Variants in CCDC191 observed in about 807,000 individuals in gnomAD.
CCDC191 encodes coiled-coil domain-containing protein 191.
Under a neutral mutation model 114.0 loss-of-function variants are expected in CCDC191, and 99 were observed. The ratio of observed to expected loss-of-function variants is 0.87; its 90% confidence interval spans 0.74 to 1.03. The LOEUF (loss-of-function observed/expected upper bound fraction) is 1.03. Ranked by LOEUF, CCDC191 falls within the 50% of genes least tolerant of loss-of-function variation. The pLI, the probability that CCDC191 is intolerant of heterozygous loss-of-function variation, is 0.00. For missense variants in CCDC191, 973 were observed against 1,087.0 expected (o/e 0.90, Z 1.47); for synonymous variants, 351 against 376.0 (o/e 0.93, Z 0.77).
At chr3:114,049,821 A>C (rs753761957) in intron 2 of CCDC191, among the ~76,000 whole-genome samples, 2 of 152,182 alleles carry the variant, frequency 1.3e-5, no homozygotes, top group Non-Finnish European at 2.9e-5. Flanking sequence ...TTTTTTCAAA[A>C]TAAATATGTA....
chr3:113,967,080 C>G (rs1940253975), intron 16 of CCDC191, among the ~76,000 whole-genome samples: 1 of 151,420 alleles, frequency 6.6e-6, no homozygotes, highest in South Asian at 2.1e-4. Flanking sequence ...GCCTGGGTAA[C>G]AGAGTGAGAC....
At chr3:113,966,018 T>G (rs1940123338) in intron 16 of CCDC191, among the ~76,000 whole-genome samples, 1 of 152,112 alleles carries the variant, frequency 6.6e-6, no homozygotes. Context: ...GATTATAGCA[T>G]ACATATTGTA....
chr3:113,982,704 A>G (rs749490181), intron 13 of CCDC191, among the ~76,000 whole-genome samples: 1 of 150,922 alleles, frequency 6.6e-6, no homozygotes, highest in Non-Finnish European at 1.5e-5. Flanking sequence ...CTTGTACGCT[A>G]CTCTCCCTTT....
At chr3:114,018,423 CCTTAGCCTTCTGA>C (rs1168051780) in intron 8 of CCDC191, among the ~76,000 whole-genome samples, 1 of 151,986 alleles carries the variant, frequency 6.6e-6, no homozygotes, top group Non-Finnish European at 1.5e-5. Context: ...GATCCTTCTG[CCTTAGCCTTCTGA>C]GTAGCTGGAA....
intron 16 of CCDC191, among the ~76,000 whole-genome samples, chr3:113,975,758 CTTTG>C (rs1941280714): frequency 6.6e-6 from 1 of 152,136 alleles, no homozygotes; most frequent in African/African-American, 2.4e-5. Context: ...CAGAAGTGAG[CTTTG>C]TTTGTCTAAG....
intron 7 of CCDC191, among the ~76,000 whole-genome samples, chr3:114,025,664 A>C (rs1276066202): frequency 6.6e-6 from 1 of 152,202 alleles, no homozygotes. Context: ...AGTGCAGCCT[A>C]TCACCTGAAC....
chr3:113,999,266 G>A (rs1256366045), intron 13 of CCDC191, among the ~76,000 whole-genome samples: 1 of 152,118 alleles, frequency 6.6e-6, no homozygotes, highest in Non-Finnish European at 1.5e-5. Context: ...GTTCCAGAGG[G>A]AAGAATGCTT....
At chr3:114,014,682 C>T (rs2076129958) in intron 8 of CCDC191, among the ~76,000 whole-genome samples, 2 of 152,060 alleles carry the variant, frequency 1.3e-5, no homozygotes, top group Non-Finnish European at 2.9e-5. Context: ...GAAGGTGGGT[C>T]CCATGAATTT....
At chr3:113,990,674 T>C (rs2075525948) in intron 13 of CCDC191, among the ~76,000 whole-genome samples, 1 of 151,464 alleles carries the variant, frequency 6.6e-6, no homozygotes, top group South Asian at 2.1e-4. Flanking sequence ...CAGTGAATTC[T>C]ACCAAACATT....
intron 7 of CCDC191, among the ~76,000 whole-genome samples, chr3:114,029,374 AAATG>A (rs1315746973): frequency 1.3e-5 from 2 of 152,224 alleles, no homozygotes; most frequent in African/African-American, 4.8e-5. Flanking sequence ...ACAATTGCAT[AAATG>A]AATGAATACA....
chr3:114,038,481 A>G (rs985018627), intron 4 of CCDC191, among the ~76,000 whole-genome samples: 1 of 152,234 alleles, frequency 6.6e-6, no homozygotes, highest in African/African-American at 2.4e-5. Flanking sequence ...ATAAAAGTAT[A>G]GCACGTGTAC....
chr3:114,056,102 C>T (rs1358910691), intron 1 of CCDC191, among the ~76,000 whole-genome samples: 1 of 152,018 alleles, frequency 6.6e-6, no homozygotes, highest in Non-Finnish European at 1.5e-5. Flanking sequence ...TTGCAAACTC[C>T]TTTCACCCCG....
intron 7 of CCDC191, among the ~76,000 whole-genome samples, chr3:114,019,673 C>T (rs2076216776): frequency 6.6e-6 from 1 of 152,162 alleles, no homozygotes; most frequent in Non-Finnish European, 1.5e-5. Context: ...GTTCATATTA[C>T]GTTGGTGCAA....
At chr3:114,022,952 A>G (rs1408530544) in intron 7 of CCDC191, among the ~76,000 whole-genome samples, 1 of 152,222 alleles carries the variant, frequency 6.6e-6, no homozygotes, top group East Asian at 1.9e-4. Flanking sequence ...TTGTATATCT[A>G]GAAAACCCCA....
chr3:114,005,888 T>C lies in CCDC191; in HGVS notation c.1488A>G (p.Gly496=). 6.2e-7 allele frequency: 1 copy of C among 1,614,050 alleles called. No individual in the cohort carries two copies. The highest frequency in any genetic ancestry group is 8.5e-7 in the Non-Finnish European group (1 of 1,179,976). Residue 496 remains glycine (G), a synonymous_variant, in exon 10 of 17, where the codon GGA becomes GGG. Transcript: ENST00000295878. ...SSGCMLSPPL[G]RTTTGNLQGS... ...CCTGCAAGTTGCCTGTTGTTGTTCT[T>C]CCCAGGGGAGGACTGAGCATACAAC...
intron 8 of CCDC191, among the ~76,000 whole-genome samples, chr3:114,013,716 C>T (rs1328140054): frequency 1.3e-5 from 2 of 152,094 alleles, no homozygotes; most frequent in Non-Finnish European, 2.9e-5. Flanking sequence ...CTCTGCTCAT[C>T]TAAGAATATA....
chr3:113,987,996 C>T (rs1436875972), intron 13 of CCDC191, among the ~76,000 whole-genome samples: 7 of 151,502 alleles, frequency 4.6e-5, no homozygotes, highest in African/African-American at 1.7e-4. Context: ...GAGCCAAGAT[C>T]ATGCCACTGC....
intron 16 of CCDC191, among the ~76,000 whole-genome samples, chr3:113,975,187 TA>T (rs1160118133): frequency 6.6e-6 from 1 of 152,220 alleles, no homozygotes; most frequent in Non-Finnish European, 1.5e-5. Flanking sequence ...AGACATATTA[TA>T]AATACTGATC....
At chr3:114,019,984 C>T (rs2076220826) in intron 7 of CCDC191, among the ~76,000 whole-genome samples, 1 of 152,136 alleles carries the variant, frequency 6.6e-6, no homozygotes, top group South Asian at 2.1e-4. Flanking sequence ...GAATAGGTCT[C>T]ATAAATGGGA....
Sources: allele counts gnomAD v4.1 joint callset (sites outside exome capture counted in the v4.1 genomes callset), GRCh38; gene constraint gnomAD v4.1.1; transcripts MANE v1.5; gene names NCBI Gene and HGNC (gene_info 2026-07-23, HGNC 2026-07-21).